The following SHROOM2 variants were observed in gnomAD, a reference collection of about 807,000 sequenced individuals.
SHROOM2 encodes the protein protein Shroom2.
A neutral mutation model predicts 75.9 loss-of-function variants in SHROOM2; 33 were observed. That is an observed-to-expected ratio of 0.43 (90% CI 0.33 to 0.58). The LOEUF (loss-of-function observed/expected upper bound fraction) is 0.58, where lower values mean the gene tolerates loss of function less well. Among genes scored for constraint, SHROOM2 ranks in the 20% least tolerant of loss-of-function variants. The pLI is 0.04. For synonymous variants in SHROOM2, 655 were observed against 663.6 expected (o/e 0.99, Z 0.20); for missense variants, 1,434 against 1,461.2 (o/e 0.98, Z 0.30).
chrX:9,831,935 T>TG (rs2083918772), intron 1 of SHROOM2, among the ~76,000 whole-genome samples: 1 of 110,831 alleles, frequency 9.0e-6, no homozygotes, highest in African/African-American at 3.3e-5. Context: ...AGGATCAGGA[T>TG]TTCAACATAT....
intron 1 of SHROOM2, among the ~76,000 whole-genome samples, chrX:9,848,279 T>C (rs1601943002): frequency 9.6e-6 from 1 of 104,007 alleles, no homozygotes; most frequent in African/African-American, 3.5e-5. Flanking sequence ...CCGAGGCGGG[T>C]GGATCATGAG....
At chrX:9,884,378 T>C (rs1324057615) in intron 2 of SHROOM2, among the ~76,000 whole-genome samples, 3 of 108,028 alleles carry the variant, frequency 2.8e-5, no homozygotes, top group Non-Finnish European at 5.8e-5. Flanking sequence ...CTTTTTTTTT[T>C]TTTTTTTTTT....
At chrX:9,795,559 TG>T (rs2083690762) in intron 1 of SHROOM2, among the ~76,000 whole-genome samples, 1 of 111,700 alleles carries the variant, frequency 9.0e-6, no homozygotes, top group Non-Finnish European at 1.9e-5. Context: ...TTGTTTGTTT[TG>T]GCTGCTTTCT....
In SHROOM2 at chrX:9,836,321, G is replaced by A. The variant is rs754895405; in HGVS notation, c.166-37331G>A. Among the ~76,000 whole-genome samples the A allele has an allele frequency of 2.7e-5, 3 of 111,861 alleles. No homozygotes were observed. In the East Asian group the frequency reaches 8.5e-4, roughly 32 times the overall value. On this transcript the variant is annotated intron_variant, in intron 1 of 9. Transcript: ENST00000380913. ...CAGCATAGTGTCTGGAGTCTGCAGG[G>A]CCTCAGAGATTGCTGGACACATAGA...
chrX:9,836,917 C>T lies in SHROOM2; in HGVS notation c.166-36735C>T, dbSNP rs1001641812. 2.7e-5 allele frequency among the ~76,000 whole-genome samples: 3 copies of T among 112,498 alleles called. No homozygotes were observed. The East Asian group carries it at 8.4e-4, about 32-fold the overall frequency. On this transcript the variant is annotated intron_variant, in intron 1 of 9. Transcript: ENST00000380913. ...CCCCAGGCAACCATGAATCTCCTTT[C>T]TGTCTCTGGACTTGCCTCATTTGGA...
At chrX:9,873,421 T>C (rs146853395) in intron 1 of SHROOM2, among the ~76,000 whole-genome samples, 169 of 111,962 alleles carry the variant, frequency 1.5e-3, no homozygotes, top group African/African-American at 5.1e-3. Flanking sequence ...TGTTTTCCAT[T>C]GTGTGTGTTC....
chrX:9,803,765 G>A lies in SHROOM2; in HGVS notation c.165+17055G>A, dbSNP rs762757151. 5.4e-5 allele frequency among the ~76,000 whole-genome samples: 6 copies of A among 111,468 alleles called. No homozygotes were observed. The South Asian group carries it at 1.9e-3, about 35-fold the overall frequency. Reference sequence around the variant, plus strand: ...GGGGCCGCCATCACAGACCACCTCCGGACACAGAAGTCAGGATTTTAGGGT... The same window carrying A: ...GGGGCCGCCATCACAGACCACCTCCAGACACAGAAGTCAGGATTTTAGGGT... On this transcript the variant is annotated intron_variant, in intron 1 of 9. Transcript: ENST00000380913.
chrX:9,917,517 G>T (rs1381371397), intron 5 of SHROOM2, among the ~76,000 whole-genome samples: 1 of 110,285 alleles, frequency 9.1e-6, no homozygotes, highest in Non-Finnish European at 1.9e-5. Context: ...TGTTGTTGTT[G>T]TTGTTGTTGT....
chrX:9,835,557 T>A (rs181894030), intron 1 of SHROOM2, among the ~76,000 whole-genome samples: 4 of 112,158 alleles, frequency 3.6e-5, no homozygotes, highest in South Asian at 7.3e-4. Flanking sequence ...CATACACCAT[T>A]GTATACCTCA....
In SHROOM2 at chrX:9,948,844, C is replaced by G. The variant is rs1316309825; in HGVS notation, c.*1907C>G. The G allele has an allele frequency of 8.8e-6, 1 of 114,065 alleles. No individual in the cohort carries two copies. The highest frequency in any genetic ancestry group is 3.2e-5 in the African/African-American group (1 of 31,106). 9.4% of individuals were successfully genotyped at this position (114,065 alleles called of 1,213,427 possible). On this transcript the variant is annotated 3_prime_UTR_variant, in exon 10 of 10. Coordinates refer to ENST00000380913, the MANE Select transcript of SHROOM2 (RefSeq NM_001649.4). The stretch of plus-strand genomic sequence containing the variant: ...TGCTGGTCAGTCTGAAAAGGTGAAG[C>G]TGGCTGTGCACTTACCCCCATCTTT...
rs187669994 is a variant in SHROOM2, at chrX:9,808,794, G to A, written c.165+22084G>A. Among the ~76,000 whole-genome samples the A allele has an allele frequency of 9.4e-3, 1,040 of 110,438 alleles. 15 individuals are homozygous for A. Among genetic ancestry groups the A allele is most frequent in the African/African-American group, 0.033 (997 of 30,272 alleles). Reference sequence around the variant, plus strand: ...AGAGAATCGCTTGAACCTGGGAAGCGGAGGTTGCAGTGAGCCAAGTTCGCG... The same window carrying A: ...AGAGAATCGCTTGAACCTGGGAAGCAGAGGTTGCAGTGAGCCAAGTTCGCG... On this transcript the variant is annotated intron_variant, in intron 1 of 9. Transcript: ENST00000380913.
At chrX:9,816,691 G>C (rs968602891) in intron 1 of SHROOM2, among the ~76,000 whole-genome samples, 1 of 111,039 alleles carries the variant, frequency 9.0e-6, no homozygotes, top group African/African-American at 3.3e-5. Flanking sequence ...TTCAGACAGC[G>C]AGCGGGGTCC....
Position 9,903,033 on chromosome X carries a change from A to G in SHROOM2, c.2891+4743A>G, listed in dbSNP as rs577860080. On this transcript the variant is annotated intron_variant, in intron 5 of 9. Transcript: ENST00000380913. ...GCTCTTTAGGGAAAAATTTGCTTTC[A>G]TATAATATGTATAAACAAGCTAAAT... is the stretch of plus-strand genomic sequence containing the variant. Among the ~76,000 whole-genome samples, 6 of 112,382 alleles carry G rather than the reference A, an allele frequency of 5.3e-5. No homozygotes were observed. The South Asian group carries it at 1.5e-3, about 27-fold the overall frequency.
intron 5 of SHROOM2, among the ~76,000 whole-genome samples, chrX:9,910,498 GAGT>G (rs372003861): frequency 2.8e-4 from 31 of 110,629 alleles, no homozygotes; most frequent in African/African-American, 1.0e-3. Flanking sequence ...TTGAAGCCAG[GAGT>G]TTGAGACCAG....
intron 1 of SHROOM2, among the ~76,000 whole-genome samples, chrX:9,838,404 G>A (rs2083960857): frequency 9.0e-6 from 1 of 110,727 alleles, no homozygotes; most frequent in Admixed American, 9.7e-5. Context: ...GGATTGGGTT[G>A]TTGCCAACAC....
At chrX:9,880,879 C>T (rs1400335450) in intron 2 of SHROOM2, among the ~76,000 whole-genome samples, 1 of 111,920 alleles carries the variant, frequency 8.9e-6, no homozygotes. Context: ...GTTCCTACGT[C>T]TTGGCTATCT....
chrX:9,857,919 G>C (rs1420437283), intron 1 of SHROOM2, among the ~76,000 whole-genome samples: 2 of 110,831 alleles, frequency 1.8e-5, no homozygotes, highest in Non-Finnish European at 3.8e-5. Context: ...CAGTGCTCGA[G>C]GCTGTAGACC....
At chrX:9,900,458 G>T (rs1362071329) in intron 5 of SHROOM2, among the ~76,000 whole-genome samples, 1 of 112,373 alleles carries the variant, frequency 8.9e-6, no homozygotes, top group Non-Finnish European at 1.9e-5. Flanking sequence ...ACGTAAACAT[G>T]TCTGTGTAAA....
At chrX:9,883,946 A>G (rs1468657138) in intron 2 of SHROOM2, among the ~76,000 whole-genome samples, 1 of 111,446 alleles carries the variant, frequency 9.0e-6, no homozygotes, top group African/African-American at 3.3e-5. Flanking sequence ...AGGGCTTCCC[A>G]TCCTGGACCG....
Sources: allele counts gnomAD v4.1 joint callset (sites outside exome capture counted in the v4.1 genomes callset), GRCh38; gene constraint gnomAD v4.1.1; transcripts MANE v1.5; gene names NCBI Gene and HGNC (gene_info 2026-07-23, HGNC 2026-07-21).